ERAP1: variants seen among roughly 807,000 people sequenced by gnomAD.
The protein encoded by ERAP1 is adipocyte-derived leucine aminopeptidase.
ERAP1 carries 86 observed loss-of-function variants against 103.7 expected under a neutral mutation model. That is an observed-to-expected ratio of 0.83 (90% confidence interval 0.70 to 0.99). The LOEUF (loss-of-function observed/expected upper bound fraction) is 0.99. ERAP1 is among the 50% of genes least tolerant of loss of function. The pLI, the probability that ERAP1 is intolerant of heterozygous loss-of-function variation, is 0.00. For synonymous variants in ERAP1, 398 were observed against 402.4 expected, an observed-to-expected ratio of 0.99 and a Z score of 0.13; for missense variants, 1,009 against 1,128.4, an observed-to-expected ratio of 0.89 and a Z score of 1.52.
chr5:96,806,889 G>A (rs538678862), intron 1 of ERAP1, among the ~76,000 whole-genome samples: 16 of 150,022 alleles, frequency 1.1e-4, no homozygotes, highest in Non-Finnish European at 1.6e-4. Flanking sequence ...TATTCAGGCC[G>A]CACCTGAAAA....
the ERAP1 span, among the ~76,000 whole-genome samples, chr5:96,834,018 GT>G: frequency 6.6e-6 from 1 of 152,112 alleles, no homozygotes; most frequent in Non-Finnish European, 1.5e-5. Context: ...TGCTAATTGG[GT>G]AGCCACAACT....
At chr5:96,807,967 TGGCGCTGAGC>T (rs1371322181), upstream of ERAP1, 1 of 985,632 alleles carries the variant, frequency 1.0e-6, no homozygotes, top group African/African-American at 1.7e-5. Context: ...AGCGGCAGGC[TGGCGCTGAGC>T]GGCGCTTCGG....
At chr5:96,910,150 A>T in the ERAP1 span, 29 of 164,576 alleles carry the variant, frequency 1.8e-4, no homozygotes, top group African/African-American at 5.2e-4. Context: ...TTGTAATCCC[A>T]GCTACTTCGG....
At chr5:96,901,961 G>C in the ERAP1 span, among the ~76,000 whole-genome samples, 2 of 152,162 alleles carry the variant, frequency 1.3e-5, no homozygotes, top group African/African-American at 4.8e-5. Flanking sequence ...AATGTGAAAG[G>C]AATATTGGAT....
the ERAP1 span, chr5:96,889,401 C>T: frequency 7.4e-7 from 1 of 1,352,382 alleles, no homozygotes; most frequent in Admixed American, 1.7e-5. Context: ...TAAATGAGCA[C>T]TGAGGAATTC....
the ERAP1 span, chr5:96,895,339 A>G: frequency 6.3e-5 from 102 of 1,609,782 alleles, no homozygotes; most frequent in East Asian, 2.1e-3. Flanking sequence ...TGTTAATGCT[A>G]CATATCCAGA....
chr5:96,914,031 T>A, the ERAP1 span, among the ~76,000 whole-genome samples: 1 of 152,150 alleles, frequency 6.6e-6, no homozygotes, highest in Non-Finnish European at 1.5e-5. Context: ...GAACTGGAGC[T>A]CATTTCAATA....
rs1455721229 is a variant in ERAP1, at chr5:96,775,485, A to ACTCT, written c.*907_*910dup. ...AGGGTTTTCCTACAGACTTGAATGC[A>ACTCT]CTCTGCTTTTTCAGAAGAGATACTG... is the stretch of plus-strand genomic sequence containing the variant. On this transcript the variant is annotated 3_prime_UTR_variant, in exon 19 of 19. Coordinates refer to ENST00000443439, the MANE Select transcript of ERAP1 (RefSeq NM_001040458.3). The ACTCT allele has an allele frequency of 1.0e-6, 1 of 985,384 alleles. No homozygotes were observed. Among genetic ancestry groups the ACTCT allele is most frequent in the Non-Finnish European group, 1.2e-6 (1 of 829,926 alleles). 61.0% of individuals were successfully genotyped at this position (985,384 alleles called of 1,614,324 possible).
At chr5:96,896,237 C>A in the ERAP1 span, 1 of 648,562 alleles carries the variant, frequency 1.5e-6, no homozygotes, top group Non-Finnish European at 2.5e-6. Flanking sequence ...GGAATACATA[C>A]AAGAAAAGAA....
At chr5:96,769,841 T>C (rs1318444815), downstream of ERAP1, 2 of 150,024 alleles carry the variant, frequency 1.3e-5, no homozygotes, top group African/African-American at 4.9e-5. Flanking sequence ...TCTTTCTGTG[T>C]CTGGCTTATA....
At chr5:96,860,896 T>C in the ERAP1 span, among the ~76,000 whole-genome samples, 2 of 152,168 alleles carry the variant, frequency 1.3e-5, no homozygotes, top group South Asian at 4.1e-4. Flanking sequence ...AATGCAGTAA[T>C]GTGCGACTTC....
chr5:96,849,465 C>A, the ERAP1 span, among the ~76,000 whole-genome samples: 10 of 152,106 alleles, frequency 6.6e-5, no homozygotes, highest in African/African-American at 2.2e-4. Context: ...CATTTCCATA[C>A]ACTAACAATG....
At chr5:96,911,866 C>CAAAAAAAAAAAA in the ERAP1 span, among the ~76,000 whole-genome samples, 91 of 56,324 alleles carry the variant, frequency 1.6e-3, no homozygotes, top group Admixed American at 3.3e-3. Context: ...GACCCTGTCT[C>CAAAAAAAAAAAA]AAAAAAAAAA....
downstream of ERAP1, chr5:96,771,905 TA>T: frequency 2.4e-6 from 1 of 408,510 alleles, no homozygotes; most frequent in Admixed American, 4.3e-5. Flanking sequence ...TTGAAATGTT[TA>T]AAAACCTTAA....
exon 20 of ERAP1, chr5:96,762,673 G>C: frequency 3.0e-6 from 1 of 329,742 alleles, no homozygotes; most frequent in Non-Finnish European, 5.5e-6. Flanking sequence ...CAAATTACTA[G>C]ATTTGAAAAG....
intron 19 of ERAP1, among the ~76,000 whole-genome samples, chr5:96,766,404 C>A (rs1769985887): frequency 6.6e-6 from 1 of 152,044 alleles, no homozygotes; most frequent in South Asian, 2.1e-4. Context: ...TAAGAGTGAT[C>A]CAAGAAATGT....
At chr5:96,776,763 TGTTTA>T in intron 18 of ERAP1, 2 of 507,012 alleles carry the variant, frequency 3.9e-6, no homozygotes, top group Non-Finnish European at 6.9e-6. Context: ...GCAGTTCTTT[TGTTTA>T]TTCTCAGTTG....
chr5:96,815,406 TG>T, the ERAP1 span, among the ~76,000 whole-genome samples: 4 of 89,852 alleles, frequency 4.5e-5, no homozygotes, highest in African/African-American at 7.6e-5. Context: ...TTGTTTGTTT[TG>T]TTTTTTATTT....
At chr5:96,896,391 G>T in the ERAP1 span, 2 of 1,609,440 alleles carry the variant, frequency 1.2e-6, no homozygotes, top group South Asian at 1.1e-5. Context: ...TTTTTTGAAT[G>T]TGTGTTTTGA....
Sources: gnomAD v4.1 joint callset for allele counts (sites outside exome capture counted in the v4.1 genomes callset) on GRCh38, gnomAD v4.1.1 for gene constraint, MANE v1.5 for transcripts, NCBI Gene and HGNC (gene_info 2026-07-23, HGNC 2026-07-21) for gene names.